SGCD: variants seen among roughly 807,000 people sequenced by gnomAD.
SGCD encodes delta-sarcoglycan.
A neutral mutation model predicts 36.6 loss-of-function variants in SGCD; 18 were observed. The ratio of observed to expected loss-of-function variants is 0.49; its 90% CI spans 0.34 to 0.73. The LOEUF (loss-of-function observed/expected upper bound fraction) is 0.73. Ranked by LOEUF, SGCD falls within the 30% of genes least tolerant of loss-of-function variation. The pLI, the probability that SGCD is intolerant of heterozygous loss-of-function variation, is 0.01. For synonymous variants in SGCD, 133 were observed against 130.6 expected, an observed-to-expected ratio of 1.02 and a Z score of -0.12; for missense variants, 387 against 346.7, an observed-to-expected ratio of 1.12 and a Z score of -0.92.
chr5:156,186,765 A>G (rs1763771605), intron 3 of SGCD, among the ~76,000 whole-genome samples: 1 of 152,106 alleles, frequency 6.6e-6, no homozygotes, highest in Non-Finnish European at 1.5e-5. Context: ...TTTCTTCAAG[A>G]CCCTGAAATC....
At position 156,423,418 on chromosome 5, in the gene SGCD, A is replaced by ATATT. The variant is rs1773510324; in HGVS notation, c.192+78743_192+78746dup. Reference sequence around the variant, plus strand: ...ATATTTTATTATAATATAATATATTATATTTTAATAAAATATAATATATTT... The same window carrying ATATT: ...ATATTTTATTATAATATAATATATTATATTTATTTTAATAAAATATAATATATTT... On this transcript the variant is annotated intron_variant, in intron 3 of 8. Coordinates refer to ENST00000337851, the MANE Select transcript of SGCD (RefSeq NM_000337.6). Among the ~76,000 whole-genome samples, 2 of 79,178 alleles carry ATATT rather than the reference A, an allele frequency of 2.5e-5. 1 individual carries two copies. The highest frequency in any genetic ancestry group is 7.4e-4 in the South Asian group (2 of 2,716). The allele number at this position is 79,178 out of a possible 152,430, so 51.9% of individuals were successfully genotyped here.
At chr5:155,970,872 A>G (rs1161551931) in intron 1 of SGCD, among the ~76,000 whole-genome samples, 1 of 152,158 alleles carries the variant, frequency 6.6e-6, no homozygotes, top group African/African-American at 2.4e-5. Flanking sequence ...CAGTGATTTC[A>G]CCAAACAGGA....
At chr5:156,246,910 C>T (rs984140062) in intron 3 of SGCD, among the ~76,000 whole-genome samples, 3 of 152,082 alleles carry the variant, frequency 2.0e-5, no homozygotes, top group Admixed American at 2.0e-4. Flanking sequence ...TAATTAAGCT[C>T]CAGTACTAAG....
At chr5:156,160,031 T>G (rs1763054055) in intron 3 of SGCD, among the ~76,000 whole-genome samples, 1 of 151,652 alleles carries the variant, frequency 6.6e-6, no homozygotes, top group South Asian at 2.1e-4. Context: ...TTTAGTAAAT[T>G]AGCTTTCAGT....
the SGCD span, among the ~76,000 whole-genome samples, chr5:155,830,265 C>T: frequency 6.6e-6 from 1 of 152,140 alleles, no homozygotes; most frequent in East Asian, 1.9e-4. Context: ...TCTCCTGAGG[C>T]CCCTCTCCTT....
chr5:156,344,777 A>T, intron 3 of SGCD, 100 bp downstream of exon 3: 1 of 870,682 alleles, frequency 1.1e-6, no homozygotes, highest in South Asian at 1.9e-5. Context: ...TTACAGTAGG[A>T]CTCAAAAAAT....
At chr5:156,555,763 CTG>C (rs941460543) in intron 4 of SGCD, among the ~76,000 whole-genome samples, 4 of 151,036 alleles carry the variant, frequency 2.6e-5, no homozygotes, top group Non-Finnish European at 5.9e-5. Flanking sequence ...TGCATTTAAT[CTG>C]TAGATCAGTG....
chr5:156,452,434 C>T (rs1391070348), intron 3 of SGCD, among the ~76,000 whole-genome samples: 2 of 152,154 alleles, frequency 1.3e-5, no homozygotes, highest in African/African-American at 4.8e-5. Context: ...TATACAACCA[C>T]ACTTAATAGG....
chr5:156,580,752 G>A (rs1760219336), intron 4 of SGCD, among the ~76,000 whole-genome samples: 1 of 152,022 alleles, frequency 6.6e-6, no homozygotes, highest in African/African-American at 2.4e-5. Flanking sequence ...AGCTCCATCA[G>A]GTCATTTAAG....
intron 3 of SGCD, among the ~76,000 whole-genome samples, chr5:156,441,409 T>C (rs1753486858): frequency 6.6e-6 from 1 of 152,196 alleles, no homozygotes; most frequent in Admixed American, 6.5e-5. Context: ...GTTTTGTAAA[T>C]AGCTAAATAT....
intron 4 of SGCD, among the ~76,000 whole-genome samples, chr5:156,580,369 G>A (rs1319169154): frequency 6.6e-6 from 1 of 152,110 alleles, no homozygotes; most frequent in Admixed American, 6.5e-5. Context: ...TTCAACCTTG[G>A]TGAGTCTGAC....
chr5:156,254,916 A>G (rs986826827), intron 3 of SGCD, among the ~76,000 whole-genome samples: 14 of 152,210 alleles, frequency 9.2e-5, no homozygotes, highest in Admixed American at 1.3e-4. Context: ...CAGATTGAGC[A>G]TCCCCAGTCT....
intron 3 of SGCD, among the ~76,000 whole-genome samples, chr5:156,248,832 C>T (rs13354310): frequency 0.42 from 63,566 of 151,942 alleles, 13,495 homozygotes; most frequent in South Asian, 0.51. Context: ...AGAAGCCATT[C>T]TTAAGAGGAC....
At chr5:156,270,173 G>A (rs1252188136) in intron 3 of SGCD, among the ~76,000 whole-genome samples, 2 of 152,106 alleles carry the variant, frequency 1.3e-5, no homozygotes, top group African/African-American at 4.8e-5. Flanking sequence ...AGATCAGATG[G>A]TCATAGCTGT....
At chr5:156,115,338 T>C (rs1456615220) in intron 1 of SGCD, among the ~76,000 whole-genome samples, 2 of 152,038 alleles carry the variant, frequency 1.3e-5, no homozygotes, top group Admixed American at 1.3e-4. Context: ...TTTATAATTT[T>C]ATTATGGGAA....
chr5:156,737,934 G>A (rs923794165), intron 7 of SGCD, among the ~76,000 whole-genome samples: 2 of 152,128 alleles, frequency 1.3e-5, no homozygotes, highest in Non-Finnish European at 2.9e-5. Flanking sequence ...CTCCTTCTAT[G>A]ATGCACTGCC....
intron 3 of SGCD, among the ~76,000 whole-genome samples, chr5:156,152,711 T>C (rs1291314110): frequency 1.3e-5 from 2 of 151,770 alleles, no homozygotes; most frequent in African/African-American, 4.9e-5. Context: ...TTTTACATTT[T>C]AATCTGACTA....
the SGCD span, among the ~76,000 whole-genome samples, chr5:155,803,287 A>T: frequency 6.6e-6 from 1 of 152,314 alleles, no homozygotes; most frequent in East Asian, 1.9e-4. Flanking sequence ...CTACTAAGGG[A>T]TTGGAGAAAC....
At chr5:156,716,939 C>A (rs898830046) in intron 7 of SGCD, among the ~76,000 whole-genome samples, 2 of 152,136 alleles carry the variant, frequency 1.3e-5, no homozygotes, top group Non-Finnish European at 2.9e-5. Flanking sequence ...TTTAATTAAA[C>A]CTTTCAAGGT....
Sources: allele counts gnomAD v4.1 joint callset (sites outside exome capture counted in the v4.1 genomes callset), GRCh38; gene constraint gnomAD v4.1.1; transcripts MANE v1.5; gene names NCBI Gene and HGNC (gene_info 2026-07-23, HGNC 2026-07-21).